Variants in ENPP6 observed in about 807,000 individuals in gnomAD.
The protein encoded by ENPP6 is ectonucleotide pyrophosphatase/phosphodiesterase 6.
Under a neutral mutation model 42.0 loss-of-function variants are expected in ENPP6, and 32 were observed. The observed-to-expected ratio is 0.76, with a 90% confidence interval of 0.58 to 1.02. The LOEUF is 1.02. Ranked by LOEUF, ENPP6 falls within the 50% of genes least tolerant of loss-of-function variation. The pLI is 0.00. For synonymous variants in ENPP6, 213 were observed against 216.0 expected (o/e 0.99, Z 0.12); for missense variants, 552 against 566.8 (o/e 0.97, Z 0.27).
chr4:184,199,912 C>T (rs190513223), intron 1 of ENPP6, among the ~76,000 whole-genome samples: 1 of 152,322 alleles, frequency 6.6e-6, no homozygotes, highest in African/African-American at 2.4e-5. Context: ...TAGAACACTC[C>T]CAGCACACAT....
At chr4:184,140,335 A>G (rs1392058191) in intron 2 of ENPP6, among the ~76,000 whole-genome samples, 2 of 151,864 alleles carry the variant, frequency 1.3e-5, no homozygotes, top group Non-Finnish European at 2.9e-5. Context: ...TACAGATTCA[A>G]TGCCATCCCC....
chr4:184,148,414 G>A (rs1402699896), intron 2 of ENPP6, among the ~76,000 whole-genome samples: 2 of 152,344 alleles, frequency 1.3e-5, no homozygotes, highest in African/African-American at 4.8e-5. Context: ...GAGATTGGAT[G>A]TGGTTAGACA....
intron 1 of ENPP6, among the ~76,000 whole-genome samples, chr4:184,158,850 T>C (rs1310594492): frequency 6.6e-6 from 1 of 152,200 alleles, no homozygotes; most frequent in African/African-American, 2.4e-5. Context: ...TTTATGTCAA[T>C]AAATTCACCA....
rs549532607 is a variant in ENPP6, at chr4:184,174,815, G to A, written c.242-21082C>T. ...CAAGCCTGAAAGTCAGTGGAAGCCC[G>A]CACCAAACTTCAATGACCCAATGGC... is the stretch of plus-strand genomic sequence containing the variant. On this transcript the variant is annotated intron_variant, in intron 1 of 7. Coordinates refer to ENST00000296741, the MANE Select transcript of ENPP6 (RefSeq NM_153343.4). 3.3e-4 allele frequency among the ~76,000 whole-genome samples: 50 copies of A among 152,276 alleles called. No homozygotes were observed. In the East Asian group the frequency reaches 7.1e-3, roughly 22 times the overall value.
At chr4:184,141,298 G>T (rs78189933) in intron 2 of ENPP6, among the ~76,000 whole-genome samples, 1 of 152,130 alleles carries the variant, frequency 6.6e-6, no homozygotes, top group South Asian at 2.1e-4. Flanking sequence ...GCTCAACCTC[G>T]CAGGCTGCTG....
intron 1 of ENPP6, among the ~76,000 whole-genome samples, chr4:184,168,761 G>A (rs887022391): frequency 2.0e-5 from 3 of 152,238 alleles, no homozygotes; most frequent in African/African-American, 2.4e-5. Flanking sequence ...CTGTGCTGAA[G>A]ATGCCGAGAA....
In ENPP6 at chr4:184,122,639, T is replaced by C. The variant is rs114911153; in HGVS notation, c.533+1522A>G. 5.2e-3 allele frequency among the ~76,000 whole-genome samples: 797 copies of C among 152,306 alleles called. 9 individuals are homozygous for C. Among genetic ancestry groups the C allele is most frequent in the South Asian group, 0.038 (182 of 4,830 alleles). The stretch of plus-strand genomic sequence containing the variant: ...CCAACCTGGGATTCTCATGGCTGTG[T>C]GCTCTGTGCTCACCCACCTGTGAAT... On this transcript the variant is annotated intron_variant, in intron 3 of 7. Coordinates refer to ENST00000296741, the MANE Select transcript of ENPP6 (RefSeq NM_153343.4).
At position 184,131,136 on chromosome 4, in the gene ENPP6, A is replaced by ACTTTCTTT. The variant is rs1426151263; in HGVS notation, c.422-6865_422-6864insAAAGAAAG. 3.6e-3 allele frequency among the ~76,000 whole-genome samples: 447 copies of ACTTTCTTT among 125,332 alleles called. 7 individuals carry two copies. The highest frequency in any genetic ancestry group is 0.012 in the Admixed American group (161 of 13,030). The allele number at this position is 125,332 out of a possible 152,430, so 82.2% of individuals were successfully genotyped here. A position where few individuals can be genotyped will look rare whatever the true frequency, so the allele number is the denominator to read the frequency against. On this transcript the variant is annotated intron_variant, in intron 2 of 7. Transcript: ENST00000296741. ...ATTGTTTCAACTTGCTTCCACCAGCACTTACTTTCTTTCTTTCTTTCTTTC... is the reference window on the plus strand; with the variant it reads ...ATTGTTTCAACTTGCTTCCACCAGCACTTTCTTTCTTACTTTCTTTCTTTCTTTCTTTC...
chr4:184,148,957 A>G (rs1170787305), intron 2 of ENPP6, among the ~76,000 whole-genome samples: 1 of 152,224 alleles, frequency 6.6e-6, no homozygotes, highest in Non-Finnish European at 1.5e-5. Flanking sequence ...AGTTTTTATC[A>G]GTTTCCTAAA....
intron 1 of ENPP6, among the ~76,000 whole-genome samples, chr4:184,201,947 G>A (rs924386386): frequency 9.6e-5 from 13 of 134,912 alleles, no homozygotes; most frequent in African/African-American, 2.9e-4. Context: ...CAGGTGGGAA[G>A]ACAGATTTTA....
At chr4:184,135,411 T>A (rs1424239117) in intron 2 of ENPP6, among the ~76,000 whole-genome samples, 1 of 152,196 alleles carries the variant, frequency 6.6e-6, no homozygotes, top group East Asian at 1.9e-4. Context: ...TACATCTTCT[T>A]AGCAGATAAA....
intron 2 of ENPP6, 21 bp from the exon 3 acceptor site, chr4:184,124,293 A>G (rs1736465456): frequency 6.4e-7 from 1 of 1,569,144 alleles, no homozygotes; most frequent in African/African-American, 1.3e-5. Context: ...AAAAGATGGC[A>G]AATAGTTACT....
Position 184,194,001 on chromosome 4 carries a change from C to T in ENPP6, c.241+23578G>A, listed in dbSNP as rs78925553. Among the ~76,000 whole-genome samples, 365 of 152,302 alleles carry T rather than the reference C, an allele frequency of 2.4e-3. 1 individual carries two copies. Among genetic ancestry groups the T allele is most frequent in the African/African-American group, 8.3e-3 (347 of 41,568 alleles). On this transcript the variant is annotated intron_variant, in intron 1 of 7. Coordinates refer to ENST00000296741, the MANE Select transcript of ENPP6 (RefSeq NM_153343.4). Reference sequence around the variant, plus strand: ...GAGATCCTAATGCTATTTTTGGCCTCTGTTGCCACGGTCCCTGATAGCTCT... The same window carrying T: ...GAGATCCTAATGCTATTTTTGGCCTTTGTTGCCACGGTCCCTGATAGCTCT...
intron 2 of ENPP6, among the ~76,000 whole-genome samples, chr4:184,133,841 A>G (rs903375225): frequency 5.2e-4 from 79 of 150,512 alleles, no homozygotes; most frequent in Non-Finnish European, 1.3e-4. Context: ...TTTCTCTTTC[A>G]TTCTATTACT....
At chr4:184,137,336 ATCC>A (rs1412592906) in intron 2 of ENPP6, among the ~76,000 whole-genome samples, 1 of 152,180 alleles carries the variant, frequency 6.6e-6, no homozygotes, top group Non-Finnish European at 1.5e-5. Context: ...ACCTCAAGCA[ATCC>A]ACCTGCCTCA....
intron 6 of ENPP6, among the ~76,000 whole-genome samples, chr4:184,107,787 C>G (rs543631497): frequency 1.4e-4 from 22 of 152,012 alleles, no homozygotes; most frequent in African/African-American, 5.3e-4. Context: ...TGGTGGCGGG[C>G]GCCTGTTGTC....
chr4:184,116,801 G>A, intron 5 of ENPP6, 55 bp downstream of exon 5: 1 of 1,596,886 alleles, frequency 6.3e-7, no homozygotes, highest in Non-Finnish European at 8.5e-7. Flanking sequence ...CAGTGCAGAT[G>A]GCAACACACG....
chr4:184,198,483 A>C (rs926154833), intron 1 of ENPP6, among the ~76,000 whole-genome samples: 8 of 152,194 alleles, frequency 5.3e-5, no homozygotes, highest in African/African-American at 1.9e-4. Context: ...GGGCAGTGGC[A>C]GCTCCCAGAG....
intron 1 of ENPP6, among the ~76,000 whole-genome samples, chr4:184,202,866 T>C (rs969794427): frequency 6.6e-6 from 1 of 152,228 alleles, no homozygotes; most frequent in Non-Finnish European, 1.5e-5. Flanking sequence ...CTCTTACTAA[T>C]GGTGAGTTTA....
Sources: allele counts gnomAD v4.1 joint callset (sites outside exome capture counted in the v4.1 genomes callset), GRCh38; gene constraint gnomAD v4.1.1; transcripts MANE v1.5; gene names NCBI Gene and HGNC (gene_info 2026-07-23, HGNC 2026-07-21).